NUP210L: variants seen among roughly 807,000 people sequenced by gnomAD.
NUP210L encodes the protein nucleoporin 210 like.
NUP210L carries 74 observed loss-of-function variants against 208.5 expected under a neutral mutation model. That is an observed-to-expected ratio of 0.35 (90% CI 0.29 to 0.43). The LOEUF (loss-of-function observed/expected upper bound fraction) is 0.43, where lower values mean the gene tolerates loss of function less well. Ranked by LOEUF, NUP210L falls within the 20% of genes least tolerant of loss-of-function variation. The pLI is 1.00. For missense variants in NUP210L, 1,843 were observed against 2,289.4 expected (o/e 0.81, Z 3.98); for synonymous variants, 780 against 816.9 (o/e 0.95, Z 0.77).
rs1346438751 is a variant in NUP210L at position 154,058,729 on chromosome 1, A to G, written c.2851-36T>C. 3.1e-6 allele frequency: 5 copies of G among 1,605,694 alleles called. No individual in the cohort carries two copies. The East Asian group carries it at 8.9e-5, about 29-fold the overall frequency. On this transcript the variant is annotated intron_variant, in intron 20 of 39. Coordinates refer to ENST00000368559, the Ensembl canonical transcript of NUP210L. ...GAAGATGGTAGCTGGATAAAGAAGC[A>G]AACATGCTCCAAGCATAATCAAAGC...
rs771882756 is a variant in NUP210L at position 154,139,993 on chromosome 1, C to A, written c.567-41G>T. ...AAAATGTGTTTCTAGCAGAATTAAA[C>A]GAAGGGTTCTTCCAAAAGTCCCTAA... On this transcript the variant is annotated intron_variant, in intron 4 of 39. Coordinates refer to ENST00000368559, the Ensembl canonical transcript of NUP210L. The A allele has an allele frequency of 2.0e-6, 3 of 1,509,650 alleles. No homozygotes were observed. In the African/African-American group the frequency reaches 4.2e-5, roughly 21 times the overall value. The allele number at this position is 1,509,650 out of a possible 1,614,324, so 93.5% of individuals were successfully genotyped here.
chr1:154,096,683 G>A (rs1314410384), intron 14 of NUP210L, among the ~76,000 whole-genome samples: 1 of 151,558 alleles, frequency 6.6e-6, no homozygotes, highest in Non-Finnish European at 1.5e-5. Flanking sequence ...TCAGTTGGAG[G>A]CAGAGGTTGC....
chr1:154,082,247 T>C (rs1389484877), intron 16 of NUP210L, among the ~76,000 whole-genome samples: 1 of 152,166 alleles, frequency 6.6e-6, no homozygotes. Context: ...CATTTGCAAC[T>C]ATCATCTGAA....
intron 16 of NUP210L, among the ~76,000 whole-genome samples, chr1:154,083,144 C>T (rs185022122): frequency 2.0e-5 from 3 of 152,266 alleles, no homozygotes; most frequent in South Asian, 2.1e-4. Flanking sequence ...ACTGTCGGCT[C>T]GGTGGCCAGC....
chr1:154,080,175 C>A (rs1655245574), intron 16 of NUP210L, among the ~76,000 whole-genome samples: 1 of 150,662 alleles, frequency 6.6e-6, no homozygotes, highest in Admixed American at 6.6e-5. Context: ...GCCTGGCCAA[C>A]ATGGCAAAAC....
chr1:154,040,921 A>T (rs1033369617), intron 27 of NUP210L, among the ~76,000 whole-genome samples: 3 of 149,866 alleles, frequency 2.0e-5, no homozygotes, highest in South Asian at 4.2e-4. Flanking sequence ...TCAAAGTCAA[A>T]TTTTTTTATG....
At chr1:154,075,668 T>TA (rs1654995452) in intron 16 of NUP210L, among the ~76,000 whole-genome samples, 1 of 152,112 alleles carries the variant, frequency 6.6e-6, no homozygotes, top group African/African-American at 2.4e-5. Flanking sequence ...GTTGAGTTTT[T>TA]AACAAAAGAT....
At chr1:154,081,522 G>A (rs1262709531) in intron 16 of NUP210L, among the ~76,000 whole-genome samples, 1 of 152,168 alleles carries the variant, frequency 6.6e-6, no homozygotes, top group African/African-American at 2.4e-5. Flanking sequence ...GTTGGATAAG[G>A]ACAGAAAGAC....
chr1:154,018,801 A>G (rs1461314483), intron 33 of NUP210L, 132 bp downstream of exon 33: 6 of 1,004,876 alleles, frequency 6.0e-6, no homozygotes, highest in Non-Finnish European at 8.7e-6. Context: ...GTGTTCCAGT[A>G]AAGTTTGCTG....
chr1:154,076,102 CTTTTT>C (rs60524355), intron 16 of NUP210L, among the ~76,000 whole-genome samples: 4 of 117,918 alleles, frequency 3.4e-5, no homozygotes, highest in African/African-American at 9.5e-5. Context: ...ACAAAGACTT[CTTTTT>C]TTTTTTTTTT....
intron 30 of NUP210L, among the ~76,000 whole-genome samples, chr1:154,025,328 A>G (rs7552737): frequency 0.26 from 37,446 of 146,830 alleles, 5,248 homozygotes; most frequent in Admixed American, 0.37. Flanking sequence ...TCTGACTCCC[A>G]GAGAGTTTCT....
At chr1:154,014,926 C>G (rs1325781037) in intron 33 of NUP210L, among the ~76,000 whole-genome samples, 3 of 152,134 alleles carry the variant, frequency 2.0e-5, no homozygotes, top group African/African-American at 7.2e-5. Flanking sequence ...ATTGCTTGAA[C>G]CTGGAAGGTG....
chr1:154,030,161 AAGTC>A (rs1380447498), intron 27 of NUP210L, 107 bp from the exon 28 acceptor site: 10 of 772,338 alleles, frequency 1.3e-5, no homozygotes, highest in East Asian at 3.2e-5. Context: ...TAAAAATAAA[AAGTC>A]AGGAAAGGGT....
At position 154,048,985 on chromosome 1, in the gene NUP210L, G is replaced by A. The variant is rs1653339324; in HGVS notation, c.3484-2616C>T. 2.6e-5 allele frequency among the ~76,000 whole-genome samples: 4 copies of A among 152,144 alleles called. No homozygotes were observed. The South Asian group carries it at 8.3e-4, about 32-fold the overall frequency. ...GGATTTGGGAGCACAAATAAACAAA[G>A]CAAAGCAGCTTACTGGGTGAATCAA... On this transcript the variant is annotated intron_variant, in intron 25 of 39. Transcript: ENST00000368559.
intron 35 of NUP210L, among the ~76,000 whole-genome samples, chr1:154,006,835 T>TATATATGTATATATATAA (rs1650559527): frequency 7.2e-6 from 1 of 138,398 alleles, no homozygotes; most frequent in Admixed American, 7.8e-5. Context: ...TATATATATA[T>TATATATGTATATATATAA]ATATATGTAT....
intron 35 of NUP210L, among the ~76,000 whole-genome samples, chr1:154,002,928 A>G (rs1650301931): frequency 6.6e-6 from 1 of 152,006 alleles, no homozygotes; most frequent in Non-Finnish European, 1.5e-5. Flanking sequence ...TAACTTATGT[A>G]TCAGACCACC....
intron 23 of NUP210L, among the ~76,000 whole-genome samples, chr1:154,055,132 T>TC (rs1491544483): frequency 0.052 from 2,297 of 44,264 alleles, 43 homozygotes; most frequent in South Asian, 0.14. Flanking sequence ...CTTTTCTTTC[T>TC]TTCTTTCTTT....
chr1:154,095,010 T>G (rs753616393), exon 15 of NUP210L: 22 of 1,614,054 alleles, frequency 1.4e-5, no homozygotes, highest in South Asian at 1.3e-4. Context: ...GCCACACTTG[T>G]GCTATTCCAA....
rs1054844279 is a variant in NUP210L, at chr1:154,146,624, C to A, written c.341-3047G>T. Among the ~76,000 whole-genome samples the A allele has an allele frequency of 3.5e-3, 384 of 108,636 alleles. 6 individuals are homozygous for A. The highest frequency in any genetic ancestry group is 0.013 in the African/African-American group (345 of 26,540). The allele number at this position is 108,636 out of a possible 152,430, so 71.3% of individuals were successfully genotyped here. A position where few individuals can be genotyped will look rare whatever the true frequency, so the allele number is the denominator to read the frequency against. Reference sequence around the variant, plus strand: ...GAGCAAGATCCCATCCCCCCTCCCCCCCCCACCAAAAAAAGAGCATCACAG... The same window carrying A: ...GAGCAAGATCCCATCCCCCCTCCCCACCCCACCAAAAAAAGAGCATCACAG... On this transcript the variant is annotated intron_variant, in intron 2 of 39. Transcript: ENST00000368559.
Sources: gnomAD v4.1 joint callset for allele counts (sites outside exome capture counted in the v4.1 genomes callset) on GRCh38, gnomAD v4.1.1 for gene constraint, MANE v1.5 for transcripts, NCBI Gene and HGNC (gene_info 2026-07-23, HGNC 2026-07-21) for gene names.